Variants in INPP5D observed in about 807,000 individuals in gnomAD.
The protein encoded by INPP5D is inositol polyphosphate-5-phosphatase D, also known as phosphatidylinositol 3,4,5-trisphosphate 5-phosphatase 1.
A neutral mutation model predicts 122.9 loss-of-function variants in INPP5D; 33 were observed. The observed-to-expected ratio is 0.27, with a 90% confidence interval of 0.20 to 0.36. The LOEUF is 0.36. INPP5D is among the 10% of genes least tolerant of loss of function. The pLI is 1.00. For missense variants in INPP5D, 1,053 were observed against 1,412.7 expected, an observed-to-expected ratio of 0.75 and a Z score of 4.08; for synonymous variants, 584 against 576.2, an observed-to-expected ratio of 1.01 and a Z score of -0.19.
At chr2:233,168,570 G>A (rs1694406293) in intron 13 of INPP5D, among the ~76,000 whole-genome samples, 1 of 152,240 alleles carries the variant, frequency 6.6e-6, no homozygotes, top group South Asian at 2.1e-4. Context: ...GCATGGCTGT[G>A]TTCCAGTAAC....
At chr2:233,167,378 A>T (rs138359696) in intron 13 of INPP5D, among the ~76,000 whole-genome samples, 2,177 of 151,906 alleles carry the variant, frequency 0.014, 42 homozygotes, top group African/African-American at 0.048. Flanking sequence ...AATTAGAAAA[A>T]AAAATACAAA....
intron 2 of INPP5D, among the ~76,000 whole-genome samples, chr2:233,102,776 G>A (rs1371996982): frequency 6.6e-6 from 1 of 151,422 alleles, no homozygotes; most frequent in Middle Eastern, 3.2e-3. Context: ...CATGAACCCG[G>A]GAAGCGGAGC....
Position 233,170,007 on chromosome 2 carries a change from C to G in INPP5D, c.1653-19C>G. ...AACCAGTGACCCCGTGCTAGATGGC[C>G]GCTTTTTCCTTGCATTAGGCGAAAC... On this transcript the variant is annotated intron_variant, in intron 14 of 26. Transcript: ENST00000445964. This position sits in a 1 kb window ranked among gnomAD's most constrained non-coding sequence, Gnocchi z 4.5. 1.2e-6 allele frequency: 2 copies of G among 1,613,936 alleles called. No individual in the cohort carries two copies. Among genetic ancestry groups the G allele is most frequent in the Non-Finnish European group, 1.7e-6 (2 of 1,179,828 alleles).
rs1695423782 is a variant in INPP5D at position 233,204,379 on chromosome 2, C to G, written c.3229C>G (p.Gln1077Glu). Residue 1077 changes from glutamine (Q) to glutamate (E), a missense_variant, in exon 26 of 27, where the codon CAG becomes GAG. Coordinates refer to ENST00000445964, the MANE Select transcript of INPP5D (RefSeq NM_001017915.3). ...EADRGEGPGKQVPAPRLRSFT... is the reference protein window; with the variant it reads ...EADRGEGPGKEVPAPRLRSFT... ...TGATCGCGGCGAGGGGCCCGGCAAG[C>G]AGGTGCCCGCGCCCCGGCTGCGCTC... The G allele has an allele frequency of 5.0e-6, 8 of 1,610,182 alleles. No individual in the cohort carries two copies. Among genetic ancestry groups the G allele is most frequent in the Non-Finnish European group, 6.8e-6 (8 of 1,178,328 alleles).
At chr2:233,195,525 G>T (rs113962439) in intron 24 of INPP5D, 30 bp downstream of exon 24, 1 of 1,612,756 alleles carries the variant, frequency 6.2e-7, no homozygotes, top group Non-Finnish European at 8.5e-7. Context: ...GGTGTTGGGG[G>T]GGGTGGATAT....
chr2:233,071,002 A>C (rs934431063), intron 1 of INPP5D, among the ~76,000 whole-genome samples: 2 of 152,044 alleles, frequency 1.3e-5, no homozygotes, highest in East Asian at 3.9e-4. Flanking sequence ...GGCTGGGCAC[A>C]GTGGCTCACA....
rs371167494 is a variant in INPP5D, at chr2:233,177,368, A to G, written c.2071+22A>G. 1 of 1,613,520 alleles carries G rather than the reference A, an allele frequency of 6.2e-7. No individual in the cohort carries two copies. Among genetic ancestry groups the G allele is most frequent in the Admixed American group, 1.7e-5 (1 of 59,990 alleles). On this transcript the variant is annotated intron_variant, in intron 18 of 26. Transcript: ENST00000445964. This position sits in a 1 kb window ranked among gnomAD's most constrained non-coding sequence, Gnocchi z 4.2. ...TATGGTGAGTTCAAACACTGGGGAA[A>G]GCAGAACAGGATCAGAGAATGGCAC...
intron 9 of INPP5D, among the ~76,000 whole-genome samples, chr2:233,148,278 AC>A (rs1693822040): frequency 6.6e-6 from 1 of 152,274 alleles, no homozygotes; most frequent in Non-Finnish European, 1.5e-5. Flanking sequence ...ATCTGTCAAT[AC>A]AGATGAATGA....
At chr2:233,185,490 C>T (rs1179782244) in intron 20 of INPP5D, among the ~76,000 whole-genome samples, 5 of 151,972 alleles carry the variant, frequency 3.3e-5, no homozygotes, top group Non-Finnish European at 7.4e-5. Context: ...CAAAAGGCTG[C>T]TATCTTGAGT....
At chr2:233,074,654 C>T (rs1008791959) in intron 1 of INPP5D, among the ~76,000 whole-genome samples, 5 of 152,072 alleles carry the variant, frequency 3.3e-5, no homozygotes, top group South Asian at 4.2e-4. Flanking sequence ...TTCCAGCCCC[C>T]GTTCTCCTAC....
chr2:233,160,917 G>A lies in INPP5D; in HGVS notation c.1138-807G>A, dbSNP rs529124761. ...CCCAAAGTCCTGGGATTACAGGCATGAGCCACTGTGCCAGGCCCAAATGTT... is the reference window on the plus strand; with the variant it reads ...CCCAAAGTCCTGGGATTACAGGCATAAGCCACTGTGCCAGGCCCAAATGTT... On this transcript the variant is annotated intron_variant, in intron 10 of 26. Coordinates refer to ENST00000445964, the MANE Select transcript of INPP5D (RefSeq NM_001017915.3). This position sits in a 1 kb window ranked among gnomAD's most constrained non-coding sequence, Gnocchi z 4.2. 2.0e-5 allele frequency among the ~76,000 whole-genome samples: 3 copies of A among 152,266 alleles called. No homozygotes were observed. Among genetic ancestry groups the A allele is most frequent in the South Asian group, 2.1e-4 (1 of 4,826 alleles).
chr2:233,170,253 T>C lies in INPP5D; in HGVS notation c.1791+89T>C, dbSNP rs2106302415. ...CTTGGGGCAGGTGGTCGTGGAGACA[T>C]GTGAATCAAGTGGGCTGAGGCGGCT... On this transcript the variant is annotated intron_variant, in intron 15 of 26. Coordinates refer to ENST00000445964, the MANE Select transcript of INPP5D (RefSeq NM_001017915.3). This position sits in a 1 kb window ranked among gnomAD's most constrained non-coding sequence, Gnocchi z 4.5. 6.5e-7 allele frequency: 1 copy of C among 1,547,252 alleles called. No individual in the cohort carries two copies. Among genetic ancestry groups the C allele is most frequent in the Non-Finnish European group, 8.7e-7 (1 of 1,144,446 alleles).
chr2:233,180,692 C>T (rs1559338267), intron 18 of INPP5D, among the ~76,000 whole-genome samples: 1 of 152,260 alleles, frequency 6.6e-6, no homozygotes, highest in Non-Finnish European at 1.5e-5. Flanking sequence ...GCGCCCACCA[C>T]CACGCCCAGC....
chr2:233,204,444 C>T lies in INPP5D; in HGVS notation c.3294C>T (p.Gly1098=), dbSNP rs1030941880. 4.4e-6 allele frequency: 7 copies of T among 1,600,182 alleles called. No individual in the cohort carries two copies. In the African/African-American group the frequency reaches 5.4e-5, roughly 12 times the overall value. ...CCTCTGCCGAGGGCAGGGCGGCCGG[C>T]GGGGACAAGAGCCAAGGGAAGCCCA... ...CSSSAEGRAA[G]GDKSQGKPKT... The change falls in exon 26 of 27, where the codon GGC becomes GGT. Residue 1098 remains glycine (G), a synonymous_variant. Transcript: ENST00000445964.
intron 1 of INPP5D, among the ~76,000 whole-genome samples, chr2:233,075,617 GTA>G (rs899055989): frequency 3.3e-5 from 5 of 152,026 alleles, no homozygotes; most frequent in South Asian, 2.1e-4. Flanking sequence ...GTGTGTGTGT[GTA>G]TATAGGACCA....
chr2:233,135,038 C>T (rs1015188264), intron 5 of INPP5D, among the ~76,000 whole-genome samples: 8 of 151,446 alleles, frequency 5.3e-5, no homozygotes, highest in African/African-American at 1.9e-4. Flanking sequence ...CTGTAGCTGG[C>T]AGGATATGTT....
At chr2:233,145,961 A>G (rs1256214776) in intron 6 of INPP5D, 1 of 696,908 alleles carries the variant, frequency 1.4e-6, no homozygotes, top group Non-Finnish European at 2.6e-6. Flanking sequence ...GAAGAAATGA[A>G]GATCTATTTT....
At chr2:233,121,081 T>G (rs891577960) in intron 2 of INPP5D, among the ~76,000 whole-genome samples, 1 of 151,416 alleles carries the variant, frequency 6.6e-6, no homozygotes, top group Non-Finnish European at 1.5e-5. Context: ...ATCTTGGGGT[T>G]GTGGGATTAC....
At chr2:233,110,886 C>T (rs1162490600) in intron 2 of INPP5D, among the ~76,000 whole-genome samples, 1 of 151,684 alleles carries the variant, frequency 6.6e-6, no homozygotes, top group African/African-American at 2.4e-5. Flanking sequence ...GATCACACCA[C>T]TGCACTCCAG....
Sources: allele counts gnomAD v4.1 joint callset (sites outside exome capture counted in the v4.1 genomes callset), GRCh38; gene constraint gnomAD v4.1.1; non-coding constraint Gnocchi (gnomAD v3.1); transcripts MANE v1.5; gene names NCBI Gene and HGNC (gene_info 2026-07-23, HGNC 2026-07-21).